Variants in NPY1R observed in about 807,000 individuals in gnomAD.
NPY1R encodes neuropeptide Y receptor type 1.
A neutral mutation model predicts 24.1 loss-of-function variants in NPY1R; 10 were observed. The observed-to-expected ratio is 0.42, with a 90% CI of 0.26 to 0.71. The LOEUF (loss-of-function observed/expected upper bound fraction) is 0.71. NPY1R is among the 30% of genes least tolerant of loss of function. The pLI is 0.28. For missense variants in NPY1R, 350 were observed against 458.0 expected, an observed-to-expected ratio of 0.76 and a Z score of 2.15; for synonymous variants, 168 against 165.9, an observed-to-expected ratio of 1.01 and a Z score of -0.10.
In NPY1R at chr4:163,325,373, G is replaced by A; in HGVS notation, c.1085C>T (p.Thr362Ile). The change falls in exon 3 of 3, where the codon ACT becomes ATT. Residue 362 changes from threonine (T) to isoleucine (I), a missense_variant. Physicochemically the swap from Thr to Ile is moderately conservative, Grantham distance 89. Transcript: ENST00000296533. ...GACTGGGCTTGCTTGCTTCAAAGAA[G>A]TTTTGGAAACATCTGTGTGCATCGT... ...MSTMHTDVSK[T>I]SLKQASPVAF... 3 of 1,614,006 alleles carry A rather than the reference G, an allele frequency of 1.9e-6. No individual in the cohort carries two copies. Among genetic ancestry groups the A allele is most frequent in the Non-Finnish European group, 2.5e-6 (3 of 1,179,956 alleles).
upstream of NPY1R, among the ~76,000 whole-genome samples, chr4:163,337,048 G>A (rs565238101): frequency 1.3e-5 from 2 of 152,168 alleles, no homozygotes; most frequent in East Asian, 3.9e-4. Context: ...AAAATGGCAC[G>A]AAATGTTCTG....
intron 1 of NPY1R, among the ~76,000 whole-genome samples, chr4:163,328,098 T>A (rs572373734): frequency 2.4e-4 from 36 of 152,146 alleles, no homozygotes; most frequent in African/African-American, 7.2e-4. Flanking sequence ...TTTTTTTTTT[T>A]TTATTATGAA....
chr4:163,342,676 T>C (rs544128414), intron 1 of NPY1R, among the ~76,000 whole-genome samples: 2 of 152,302 alleles, frequency 1.3e-5, no homozygotes, highest in Non-Finnish European at 2.9e-5. Flanking sequence ...CCCTGAGTAT[T>C]GAATGCTGAA....
chr4:163,326,394 C>A lies in NPY1R; in HGVS notation c.161G>T (p.Gly54Val). Residue 54 changes from glycine to valine, a missense_variant, in exon 2 of 3, where the codon GGT becomes GTT. Gly to Val is a moderately radical substitution (Grantham distance 109). Transcript: ENST00000296533. ...GATCAAGGCCAGGTTTCCAGAGACA[C>A]CAAGAATGATCACAGCTCCATAAGC... The part of the protein sequence containing the change: ...ALAYGAVIIL[G>V]VSGNLALIII... 6.2e-7 allele frequency: 1 copy of A among 1,614,092 alleles called. No homozygotes were observed. Among genetic ancestry groups the A allele is most frequent in the Non-Finnish European group, 8.5e-7 (1 of 1,179,960 alleles).
chr4:163,331,558 A>G lies in NPY1R; in HGVS notation c.-152+924T>C, dbSNP rs187010054. 2.9e-4 allele frequency among the ~76,000 whole-genome samples: 44 copies of G among 152,234 alleles called. No individual in the cohort carries two copies. The East Asian group carries it at 7.9e-3, about 27-fold the overall frequency. ...AAAAAACCTTTCTACCAGTGATAAG[A>G]GACTGGCAAAAGAGAAAAGATATAA... On this transcript the variant is annotated intron_variant, in intron 1 of 2. Transcript: ENST00000296533.
chr4:163,330,293 T>C (rs1734698485), intron 1 of NPY1R, among the ~76,000 whole-genome samples: 1 of 152,202 alleles, frequency 6.6e-6, no homozygotes, highest in Admixed American at 6.5e-5. Flanking sequence ...ACCTTTGAAA[T>C]TGTATTTAAT....
At chr4:163,339,880 A>T (rs1734935902) in intron 1 of NPY1R, among the ~76,000 whole-genome samples, 1 of 152,094 alleles carries the variant, frequency 6.6e-6, no homozygotes, top group Non-Finnish European at 1.5e-5. Context: ...GAACGGTCTC[A>T]TATTTTTTTC....
At chr4:163,336,209 A>G (rs1176161772), upstream of NPY1R, among the ~76,000 whole-genome samples, 2 of 152,212 alleles carry the variant, frequency 1.3e-5, no homozygotes, top group Non-Finnish European at 2.9e-5. Flanking sequence ...CTCTGTCACA[A>G]TAAGGCTCTA....
chr4:163,333,885 A>G (rs1734785537), upstream of NPY1R, among the ~76,000 whole-genome samples: 2 of 152,238 alleles, frequency 1.3e-5, no homozygotes, highest in African/African-American at 4.8e-5. Context: ...TTAAAATGTC[A>G]TGATTATGTA....
chr4:163,333,284 T>G (rs542267430), upstream of NPY1R, among the ~76,000 whole-genome samples: 1 of 152,094 alleles, frequency 6.6e-6, no homozygotes, highest in South Asian at 2.1e-4. Context: ...AATGCAATTT[T>G]CTCGGTGATT....
At chr4:163,328,408 A>T (rs1475672271) in intron 1 of NPY1R, among the ~76,000 whole-genome samples, 1 of 152,252 alleles carries the variant, frequency 6.6e-6, no homozygotes, top group Non-Finnish European at 1.5e-5. Context: ...TTATTTTAAG[A>T]ATTCAAGAAA....
In NPY1R at chr4:163,332,596, T is replaced by G. The variant is rs1734759150; in HGVS notation, c.-266A>C. On this transcript the variant is annotated 5_prime_UTR_variant, in exon 1 of 3. Coordinates refer to ENST00000296533, the MANE Select transcript of NPY1R (RefSeq NM_000909.6). The stretch of plus-strand genomic sequence containing the variant: ...TTTCTCCTGCTCAGATCCTAAAGAT[T>G]GATGAAGCTAGGAAGAGACGCCTCC... 1 of 152,162 alleles carries G rather than the reference T, an allele frequency of 6.6e-6. No individual in the cohort carries two copies. The highest frequency in any genetic ancestry group is 2.4e-5 in the African/African-American group (1 of 41,410). 9.4% of individuals were successfully genotyped at this position (152,162 alleles called of 1,614,324 possible). A position where few individuals can be genotyped will look rare whatever the true frequency, so the allele number is the denominator to read the frequency against.
chr4:163,333,487 A>G (rs1372195444), upstream of NPY1R, among the ~76,000 whole-genome samples: 1 of 151,544 alleles, frequency 6.6e-6, no homozygotes, highest in Non-Finnish European at 1.5e-5. Flanking sequence ...CACACACACA[A>G]ATTATGTAGA....
chr4:163,341,959 T>C (rs1423362858), intron 1 of NPY1R, among the ~76,000 whole-genome samples: 5 of 89,272 alleles, frequency 5.6e-5, no homozygotes, highest in Non-Finnish European at 1.0e-4. Context: ...ATTTATAATT[T>C]CCTCAAAAAA....
intron 1 of NPY1R, among the ~76,000 whole-genome samples, chr4:163,327,265 A>G (rs539767220): frequency 1.3e-5 from 2 of 152,238 alleles, no homozygotes; most frequent in Non-Finnish European, 2.9e-5. Flanking sequence ...AAACTTTGCC[A>G]TGAATGACTA....
intron 1 of NPY1R, among the ~76,000 whole-genome samples, chr4:163,331,342 T>C (rs1734723574): frequency 6.6e-6 from 1 of 152,092 alleles, no homozygotes; most frequent in Admixed American, 6.5e-5. Flanking sequence ...CCTAGGTTTT[T>C]CCTGTGCTCC....
chr4:163,325,324 A>T lies in NPY1R; in HGVS notation c.1134T>A (p.Asn378Lys). The T allele has an allele frequency of 6.2e-7, 1 of 1,610,090 alleles. No individual in the cohort carries two copies. The highest frequency in any genetic ancestry group is 8.5e-7 in the Non-Finnish European group (1 of 1,178,550). The change falls in exon 3 of 3, where the codon AAT (asparagine) becomes AAA (lysine). Residue 378 changes from asparagine to lysine, a missense_variant. By Grantham distance (94) the Asn-to-Lys change is moderately conservative. Transcript: ENST00000296533. ...SPVAFKKINN[N>K]DDNEKI ...AGTTTCAGATTTTTTCATTATCATCATTGTTGTTGATTTTTTTAAATGCGA... is the reference window on the plus strand; with the variant it reads ...AGTTTCAGATTTTTTCATTATCATCTTTGTTGTTGATTTTTTTAAATGCGA...
chr4:163,330,655 G>A (rs1254976606), intron 1 of NPY1R: 1 of 152,246 alleles, frequency 6.6e-6, no homozygotes, highest in Non-Finnish European at 1.5e-5. Flanking sequence ...TTAAATCTCA[G>A]TGTAGCTGCC....
At chr4:163,338,572 G>A (rs1357671793) in intron 1 of NPY1R, among the ~76,000 whole-genome samples, 2 of 152,062 alleles carry the variant, frequency 1.3e-5, no homozygotes, top group African/African-American at 2.4e-5. Flanking sequence ...CTCTTGCTAG[G>A]AGGGACTACT....
Sources: gnomAD v4.1 joint callset for allele counts (sites outside exome capture counted in the v4.1 genomes callset) on GRCh38, gnomAD v4.1.1 for gene constraint, MANE v1.5 for transcripts, NCBI Gene and HGNC (gene_info 2026-07-23, HGNC 2026-07-21) for gene names.